Variants in ZNF385D observed in about 807,000 individuals in gnomAD.
ZNF385D encodes the protein zinc finger protein 385D.
Under a neutral mutation model 35.8 loss-of-function variants are expected in ZNF385D, and 15 were observed. That is an observed-to-expected ratio of 0.42 (90% CI 0.28 to 0.64). The LOEUF (loss-of-function observed/expected upper bound fraction) is 0.64, where lower values mean the gene tolerates loss of function less well. Ranked by LOEUF, ZNF385D falls within the 30% of genes least tolerant of loss-of-function variation. The pLI is 0.23. For synonymous variants in ZNF385D, 212 were observed against 186.8 expected, an observed-to-expected ratio of 1.13 and a Z score of -1.10; for missense variants, 474 against 494.6, an observed-to-expected ratio of 0.96 and a Z score of 0.39.
At chr3:22,035,309 A>G (rs187293030) in intron 3 of ZNF385D, among the ~76,000 whole-genome samples, 6 of 152,316 alleles carry the variant, frequency 3.9e-5, no homozygotes, top group Admixed American at 1.3e-4. Context: ...AGGGCTGGAC[A>G]GTCTTGTTCC....
At chr3:22,231,131 A>G (rs1220065674) in intron 2 of ZNF385D, among the ~76,000 whole-genome samples, 1 of 152,156 alleles carries the variant, frequency 6.6e-6, no homozygotes, top group African/African-American at 2.4e-5. Flanking sequence ...ACAGGGCAAA[A>G]GAAGTTCAAA....
chr3:21,853,082 A>G (rs1470508696), intron 3 of ZNF385D, among the ~76,000 whole-genome samples: 2 of 151,820 alleles, frequency 1.3e-5, no homozygotes. Flanking sequence ...AACTGACTTC[A>G]AAGAAATTGA....
intron 1 of ZNF385D, among the ~76,000 whole-genome samples, chr3:21,714,260 T>C (rs552086487): frequency 3.3e-5 from 5 of 152,152 alleles, no homozygotes; most frequent in African/African-American, 1.2e-4. Context: ...TTCCTGACAC[T>C]TACTGAGCAC....
At chr3:22,084,324 T>C (rs1015888257) in intron 3 of ZNF385D, among the ~76,000 whole-genome samples, 2 of 152,154 alleles carry the variant, frequency 1.3e-5, no homozygotes, top group African/African-American at 4.8e-5. Context: ...TGTACTGTAT[T>C]CAGGAGACCC....
At chr3:21,606,189 A>G (rs6792746) in intron 2 of ZNF385D, among the ~76,000 whole-genome samples, 91,124 of 151,922 alleles carry the variant, frequency 0.6, 27,663 homozygotes, top group East Asian at 0.71. Context: ...TGATACTCAA[A>G]TCATGCAGCC....
intron 4 of ZNF385D, among the ~76,000 whole-genome samples, chr3:21,500,369 T>G (rs1358493745): frequency 6.6e-6 from 1 of 152,168 alleles, no homozygotes; most frequent in Non-Finnish European, 1.5e-5. Flanking sequence ...AATAAAGATG[T>G]ATGAAATTAA....
Position 21,911,583 on chromosome 3 carries a change from T to C in ZNF385D, c.326-246555A>G, listed in dbSNP as rs180845861. ...AATTATCTGAGATGATATTCATATATCACTTGACTGAATAAATTGGAAATC... is the reference window on the plus strand; with the variant it reads ...AATTATCTGAGATGATATTCATATACCACTTGACTGAATAAATTGGAAATC... On this transcript the variant is annotated intron_variant, in intron 3 of 5. Transcript: ENST00000494108. Among the ~76,000 whole-genome samples the C allele has an allele frequency of 6.6e-5, 10 of 152,114 alleles. No homozygotes were observed. The East Asian group carries it at 1.7e-3, about 26-fold the overall frequency.
At chr3:22,173,021 CA>C (rs1559427087) in intron 2 of ZNF385D, among the ~76,000 whole-genome samples, 1 of 152,170 alleles carries the variant, frequency 6.6e-6, no homozygotes, top group African/African-American at 2.4e-5. Flanking sequence ...AGTGACAGGT[CA>C]CATTGATAGC....
Position 22,159,445 on chromosome 3 carries a change from C to A in ZNF385D, c.325+9372G>T, listed in dbSNP as rs114782438. On this transcript the variant is annotated intron_variant, in intron 3 of 5. Transcript: ENST00000494108. ...TATTGGATGGATTCCAGACAGGAGT[C>A]GGTCTGGATTATCAGGCTCAGGTTG... is the stretch of plus-strand genomic sequence containing the variant. Among the ~76,000 whole-genome samples the A allele has an allele frequency of 6.3e-4, 96 of 152,056 alleles. 1 individual carries two copies. The highest frequency in any genetic ancestry group is 2.2e-3 in the African/African-American group (90 of 41,494).
chr3:22,030,521 G>A (rs1327220106), intron 3 of ZNF385D, among the ~76,000 whole-genome samples: 3 of 151,168 alleles, frequency 2.0e-5, no homozygotes, highest in African/African-American at 4.9e-5. Flanking sequence ...AGAGGAAACT[G>A]TCATTTTAAA....
chr3:21,799,329 T>A (rs1308349477), intron 3 of ZNF385D, among the ~76,000 whole-genome samples: 2 of 152,194 alleles, frequency 1.3e-5, no homozygotes, highest in Non-Finnish European at 1.5e-5. Context: ...CCAAGTCATA[T>A]GGTAACTGCC....
rs1259165233 is a variant in ZNF385D at position 21,646,421 on chromosome 3, C to T, written c.165+18465G>A. 6.6e-6 allele frequency among the ~76,000 whole-genome samples: 1 copy of T among 152,182 alleles called. No individual in the cohort carries two copies. Among genetic ancestry groups the T allele is most frequent in the Non-Finnish European group, 1.5e-5 (1 of 68,026 alleles). ...GGTGAAGTAAGTGGACTGAGAGCCA[C>T]AGCTCCCAAGGGCAGTGCTTGGATA... On this transcript the variant is annotated intron_variant, in intron 2 of 7. Coordinates refer to ENST00000281523, the MANE Select transcript of ZNF385D (RefSeq NM_024697.3). This position sits in a 1 kb window ranked among gnomAD's most constrained non-coding sequence, Gnocchi z 4.3.
At chr3:21,704,123 G>C (rs985177746) in intron 1 of ZNF385D, among the ~76,000 whole-genome samples, 1 of 152,166 alleles carries the variant, frequency 6.6e-6, no homozygotes, top group Non-Finnish European at 1.5e-5. Flanking sequence ...TTGGAAGTTA[G>C]AACAGATTAC....
At chr3:22,015,379 G>C (rs993275653) in intron 3 of ZNF385D, among the ~76,000 whole-genome samples, 2 of 152,076 alleles carry the variant, frequency 1.3e-5, no homozygotes, top group Non-Finnish European at 2.9e-5. Context: ...CTCATATCAT[G>C]AACACCTAAG....
At chr3:22,071,816 C>T (rs960245881) in intron 3 of ZNF385D, among the ~76,000 whole-genome samples, 1 of 152,018 alleles carries the variant, frequency 6.6e-6, no homozygotes, top group African/African-American at 2.4e-5. Context: ...AGTTAAGTGC[C>T]TAAGACAAGC....
At chr3:21,851,903 C>T (rs1696408613) in intron 3 of ZNF385D, among the ~76,000 whole-genome samples, 1 of 151,996 alleles carries the variant, frequency 6.6e-6, no homozygotes, top group African/African-American at 2.4e-5. Flanking sequence ...GGTTGCTCAA[C>T]CTAACACAGT....
intron 3 of ZNF385D, among the ~76,000 whole-genome samples, chr3:21,965,151 A>G (rs1008846913): frequency 1.3e-5 from 2 of 152,184 alleles, no homozygotes; most frequent in Non-Finnish European, 2.9e-5. Flanking sequence ...GGAGCTTAGA[A>G]TTGCAAATTA....
At chr3:21,476,225 T>C (rs1559328830) in intron 4 of ZNF385D, among the ~76,000 whole-genome samples, 1 of 152,092 alleles carries the variant, frequency 6.6e-6, no homozygotes, top group Non-Finnish European at 1.5e-5. Flanking sequence ...TCCACTTTAT[T>C]GGTGATCTCA....
chr3:21,450,975 G>A (rs1702421513), intron 4 of ZNF385D, among the ~76,000 whole-genome samples: 1 of 152,074 alleles, frequency 6.6e-6, no homozygotes, highest in South Asian at 2.1e-4. Context: ...ATCTGAATGA[G>A]AGAAATTATT....
Sources: gnomAD v4.1 joint callset for allele counts (sites outside exome capture counted in the v4.1 genomes callset) on GRCh38, gnomAD v4.1.1 for gene constraint, Gnocchi (gnomAD v3.1) non-coding constraint, MANE v1.5 for transcripts, NCBI Gene and HGNC (gene_info 2026-07-23, HGNC 2026-07-21) for gene names.